KIAA1614: variants seen among roughly 807,000 people sequenced by gnomAD.
The protein encoded by KIAA1614 is uncharacterized protein KIAA1614.
Under a neutral mutation model 88.7 loss-of-function variants are expected in KIAA1614, and 76 were observed. That is an observed-to-expected ratio of 0.86 (90% CI 0.71 to 1.04). The LOEUF is 1.04. Among genes scored for constraint, KIAA1614 ranks in the 50% least tolerant of loss-of-function variants. KIAA1614 has a pLI of 0.00. For missense variants in KIAA1614, 1,553 were observed against 1,582.5 expected, an observed-to-expected ratio of 0.98 and a Z score of 0.32; for synonymous variants, 714 against 675.5, an observed-to-expected ratio of 1.06 and a Z score of -0.88.
intron 3 of KIAA1614, chr1:180,928,060 CCTTT>C (rs1040170427): frequency 5.7e-6 from 1 of 174,708 alleles, no homozygotes; most frequent in African/African-American, 2.4e-5. Context: ...AACCCCGGGC[CCTTT>C]CTCCCTCCTC....
chr1:180,935,882 G>A lies in KIAA1614; in HGVS notation c.1973G>A (p.Arg658Lys). The change falls in exon 5 of 9, where the codon AGG becomes AAG. Residue 658 changes from arginine to lysine, a missense_variant. Coordinates refer to ENST00000367588, the MANE Select transcript of KIAA1614 (RefSeq NM_020950.2). The surrounding 1 kb of genome is among the most constrained non-coding windows in gnomAD (Gnocchi z 6.1). ...CGGGGCTCCAGGCCTCGAGGCCACA[G>A]GTGGTCCAAGAAGGCTGAGGCGGAG... ...RLRGSRPRGH[R>K]WSKKAEAELP... 9 of 1,613,906 alleles carry A rather than the reference G, an allele frequency of 5.6e-6. No individual in the cohort carries two copies. Among genetic ancestry groups the A allele is most frequent in the African/African-American group, 2.7e-5 (2 of 75,070 alleles).
At chr1:180,939,099 T>TCAGGCAGA (rs147161239) in intron 6 of KIAA1614, among the ~76,000 whole-genome samples, 29,246 of 151,856 alleles carry the variant, frequency 0.19, 3,410 homozygotes, top group Middle Eastern at 0.28. Context: ...CTCCTTCAGC[T>TCAGGCAGA]CAGGCAGAGC....
intron 3 of KIAA1614, among the ~76,000 whole-genome samples, chr1:180,923,915 T>C (rs1459284067): frequency 1.3e-5 from 2 of 151,050 alleles, no homozygotes; most frequent in African/African-American, 4.9e-5. Context: ...CCTGCCCCAC[T>C]GATATACACG....
rs766867679 is a variant in KIAA1614, at chr1:180,916,214, G to T, written c.111G>T (p.Trp37Cys). 3.1e-6 allele frequency: 5 copies of T among 1,611,594 alleles called. No homozygotes were observed. The East Asian group carries it at 1.1e-4, about 36-fold the overall frequency. Residue 37 changes from tryptophan to cysteine, a missense_variant, in exon 2 of 9, where the codon TGG becomes TGT. By Grantham distance (215) the Trp-to-Cys change is radical (BLOSUM62 -2). Transcript: ENST00000367588. ...SPVEGTSAVE[W>C]SGPEPQLDNG... ...TGGAGGGGACCTCAGCTGTGGAGTGGAGTGGTCCTGAGCCACAGCTGGATA... is the reference window on the plus strand; with the variant it reads ...TGGAGGGGACCTCAGCTGTGGAGTGTAGTGGTCCTGAGCCACAGCTGGATA...
At chr1:180,928,649 T>A in intron 4 of KIAA1614, 76 bp downstream of exon 4, 1 of 1,454,312 alleles carries the variant, frequency 6.9e-7, no homozygotes, top group Non-Finnish European at 9.2e-7. Context: ...AAGTGGGATC[T>A]AGCCAAATGC....
chr1:180,944,566 G>A (rs1035933905), intron 8 of KIAA1614, 50 bp downstream of exon 8: 16 of 1,589,328 alleles, frequency 1.0e-5, no homozygotes, highest in Admixed American at 8.5e-5. Flanking sequence ...AGTGACCAGC[G>A]GAGCCAAAAG....
chr1:180,935,392 G>A lies in KIAA1614; in HGVS notation c.1483G>A (p.Ala495Thr), dbSNP rs1024996184. The change falls in exon 5 of 9, where the codon GCC becomes ACC. Residue 495 changes from alanine to threonine, a missense_variant. Physicochemically the swap from Ala to Thr is moderately conservative, Grantham distance 58. Coordinates refer to ENST00000367588, the MANE Select transcript of KIAA1614 (RefSeq NM_020950.2). This position sits in a 1 kb window ranked among gnomAD's most constrained non-coding sequence, Gnocchi z 6.1. Reference protein sequence around the residue: ...QGPLRSKPDLADYINGAPRLR... With the variant: ...QGPLRSKPDLTDYINGAPRLR... ...CCCCCTGCGCTCCAAGCCCGACCTC[G>A]CCGACTACATCAACGGGGCTCCCCG... 2 of 1,470,594 alleles carry A rather than the reference G, an allele frequency of 1.4e-6. No individual in the cohort carries two copies. Among genetic ancestry groups the A allele is most frequent in the Middle Eastern group, 1.8e-4 (1 of 5,538 alleles). 91.1% of individuals were successfully genotyped at this position (1,470,594 alleles called of 1,614,324 possible).
chr1:180,943,380 G>T (rs1285226420), intron 7 of KIAA1614, among the ~76,000 whole-genome samples: 1 of 148,184 alleles, frequency 6.7e-6, no homozygotes, highest in Non-Finnish European at 1.5e-5. Context: ...CACTTAGCTT[G>T]GTTCCATATC....
chr1:180,938,746 G>T, intron 6 of KIAA1614, 35 bp downstream of exon 6: 2 of 1,607,866 alleles, frequency 1.2e-6, no homozygotes, highest in Non-Finnish European at 1.7e-6. Flanking sequence ...ATTGCAGAAG[G>T]AGGTGGGAAT....
chr1:180,921,290 G>C (rs1170453181), intron 3 of KIAA1614, among the ~76,000 whole-genome samples: 1 of 152,182 alleles, frequency 6.6e-6, no homozygotes, highest in Non-Finnish European at 1.5e-5. Flanking sequence ...AATGTCATCA[G>C]GTAAGATAGG....
chr1:180,935,868 G>A lies in KIAA1614; in HGVS notation c.1959G>A (p.Arg653=), dbSNP rs1297846580. 6.2e-7 allele frequency: 1 copy of A among 1,613,806 alleles called. No homozygotes were observed. The highest frequency in any genetic ancestry group is 8.5e-7 in the Non-Finnish European group (1 of 1,179,920). The part of the protein sequence containing the change: ...SSPRLRLRGS[R]PRGHRWSKKA... ...CGCGACTGCGACTGCGGGGCTCCAGGCCTCGAGGCCACAGGTGGTCCAAGA... is the reference window on the plus strand; with the variant it reads ...CGCGACTGCGACTGCGGGGCTCCAGACCTCGAGGCCACAGGTGGTCCAAGA... Residue 653 remains arginine (R), a synonymous_variant, in exon 5 of 9, where the codon AGG becomes AGA. Transcript: ENST00000367588. The surrounding 1 kb of genome is among the most constrained non-coding windows in gnomAD (Gnocchi z 6.1).
At position 180,936,545 on chromosome 1, in the gene KIAA1614, A is replaced by C. The variant is rs762481694; in HGVS notation, c.2636A>C (p.Asn879Thr). Reference sequence around the variant, plus strand: ...CACCCACTGCTGGCCCTGTCCACCAACAACTGCAACAACAGCGCACCTCGG... The same window carrying C: ...CACCCACTGCTGGCCCTGTCCACCACCAACTGCAACAACAGCGCACCTCGG... ...VRHPLLALST[N>T]NCNNSAPRGL... The change falls in exon 5 of 9, where the codon AAC becomes ACC. Residue 879 changes from asparagine to threonine, a missense_variant. Asn to Thr is a moderately conservative substitution (Grantham distance 65). Transcript: ENST00000367588. 1 of 1,613,900 alleles carries C rather than the reference A, an allele frequency of 6.2e-7. No homozygotes were observed. The highest frequency in any genetic ancestry group is 1.3e-5 in the African/African-American group (1 of 74,916).
chr1:180,929,003 G>A (rs1367385267), intron 4 of KIAA1614, among the ~76,000 whole-genome samples: 1 of 152,220 alleles, frequency 6.6e-6, no homozygotes, highest in Admixed American at 6.5e-5. Flanking sequence ...GCACTGGCAA[G>A]CAGTGCAAGA....
intron 1 of KIAA1614, 82 bp downstream of exon 1, chr1:180,913,375 C>T: frequency 1.0e-6 from 1 of 967,010 alleles, no homozygotes; most frequent in Non-Finnish European, 1.3e-6. Flanking sequence ...GCCCAGGTCG[C>T]CCCGGCCACT....
chr1:180,935,351 A>G lies in KIAA1614; in HGVS notation c.1442A>G (p.Gln481Arg), dbSNP rs2102269564. The G allele has an allele frequency of 6.8e-7, 1 of 1,470,412 alleles. No homozygotes were observed. The highest frequency in any genetic ancestry group is 9.0e-7 in the Non-Finnish European group (1 of 1,115,666). 91.1% of individuals were successfully genotyped at this position (1,470,412 alleles called of 1,614,324 possible). ...RQRQVLSTVL[Q>R]AADQGPLRSK... ...CGCCAGGTGCTGAGCACCGTGTTGC[A>G]GGCCGCGGACCAGGGCCCCCTGCGC... is the stretch of plus-strand genomic sequence containing the variant. Residue 481 changes from glutamine to arginine, a missense_variant, in exon 5 of 9, where the codon CAG becomes CGG. Physicochemically the swap from Gln to Arg is conservative, Grantham distance 43 (BLOSUM62 1). Coordinates refer to ENST00000367588, the MANE Select transcript of KIAA1614 (RefSeq NM_020950.2). This position sits in a 1 kb window ranked among gnomAD's most constrained non-coding sequence, Gnocchi z 6.1.
rs1015324160 is a variant in KIAA1614 at position 180,949,728 on chromosome 1, T to A, written c.*4140T>A. 2 of 152,034 alleles carry A rather than the reference T, an allele frequency of 1.3e-5. No individual in the cohort carries two copies. Among genetic ancestry groups the A allele is most frequent in the African/African-American group, 2.4e-5 (1 of 41,380 alleles). 9.4% of individuals were successfully genotyped at this position (152,034 alleles called of 1,614,324 possible). ...GCTAGAATTTTTATTTTTCCTGGGG[T>A]TTTTTGCTCAGATGCTTCCCCATCC... On this transcript the variant is annotated 3_prime_UTR_variant, in exon 9 of 9. Coordinates refer to ENST00000367588, the MANE Select transcript of KIAA1614 (RefSeq NM_020950.2).
chr1:180,928,399 C>T, intron 3 of KIAA1614, 31 bp from the exon 4 acceptor site: 1 of 1,511,836 alleles, frequency 6.6e-7, no homozygotes, highest in Non-Finnish European at 8.9e-7. Context: ...AATCCCTCCC[C>T]CACCACCCTG....
rs755181683 is a variant in KIAA1614, at chr1:180,935,582, G to T, written c.1673G>T (p.Arg558Met). The change falls in exon 5 of 9, where the codon AGG (arginine) becomes ATG (methionine). Residue 558 changes from arginine (R) to methionine (M), a missense_variant. Physicochemically the swap from Arg to Met is moderately conservative, Grantham distance 91. Coordinates refer to ENST00000367588, the MANE Select transcript of KIAA1614 (RefSeq NM_020950.2). This position sits in a 1 kb window ranked among gnomAD's most constrained non-coding sequence, Gnocchi z 6.1. ...CAGGGGAAGGCGCCCCCCGTCCCCA[G>T]GACCCTCCAGGAGCTCCAGGCTGCC... ...PAQGKAPPVP[R>M]TLQELQAACG... 4 of 1,609,048 alleles carry T rather than the reference G, an allele frequency of 2.5e-6. No homozygotes were observed. The highest frequency in any genetic ancestry group is 1.7e-5 in the Admixed American group (1 of 59,790).
Position 180,945,769 on chromosome 1 carries a change from G to C in KIAA1614, c.*181G>C. 7.3e-7 allele frequency: 1 copy of C among 1,362,766 alleles called. No homozygotes were observed. The highest frequency in any genetic ancestry group is 9.4e-7 in the Non-Finnish European group (1 of 1,067,882). The allele number at this position is 1,362,766 out of a possible 1,614,324, so 84.4% of individuals were successfully genotyped here. A position where few individuals can be genotyped will look rare whatever the true frequency, so the allele number is the denominator to read the frequency against. ...GTGCGGGAGGGGGTAGAGTTGGCAG[G>C]TTTGACTCCACTGTCCCCCTGCTGT... On this transcript the variant is annotated 3_prime_UTR_variant, in exon 9 of 9. Coordinates refer to ENST00000367588, the MANE Select transcript of KIAA1614 (RefSeq NM_020950.2).
Sources: allele counts gnomAD v4.1 joint callset (sites outside exome capture counted in the v4.1 genomes callset), GRCh38; gene constraint gnomAD v4.1.1; non-coding constraint Gnocchi (gnomAD v3.1); transcripts MANE v1.5; gene names NCBI Gene and HGNC (gene_info 2026-07-23, HGNC 2026-07-21).